The following KIAA0825 variants were observed in gnomAD, a reference collection of about 807,000 sequenced individuals.
KIAA0825 encodes the protein uncharacterized protein KIAA0825.
In KIAA0825, 119 loss-of-function variants were observed where a neutral mutation model predicts 147.6. That is an observed-to-expected ratio of 0.81 (90% CI 0.69 to 0.94). KIAA0825 has a LOEUF of 0.94. Among genes scored for constraint, KIAA0825 ranks in the 40% least tolerant of loss-of-function variants. KIAA0825 has a pLI of 0.00. For synonymous variants in KIAA0825, 470 were observed against 518.1 expected (o/e 0.91, Z 1.26); for missense variants, 1,381 against 1,472.7 (o/e 0.94, Z 1.02).
chr5:94,373,548 A>G (rs1747057877), intron 20 of KIAA0825, among the ~76,000 whole-genome samples: 1 of 152,194 alleles, frequency 6.6e-6, no homozygotes, highest in Non-Finnish European at 1.5e-5. Context: ...ACATGGCGGC[A>G]GGTGAGAGAA....
intron 2 of KIAA0825, among the ~76,000 whole-genome samples, chr5:94,557,776 T>C (rs1776819149): frequency 6.6e-6 from 1 of 152,250 alleles, no homozygotes; most frequent in African/African-American, 2.4e-5. Context: ...CAGCAATGGC[T>C]ACCCTCTTTG....
Position 94,529,326 on chromosome 5 carries a change from A to G in KIAA0825, c.132-5228T>C, listed in dbSNP as rs181536447. Among the ~76,000 whole-genome samples the G allele has an allele frequency of 7.6e-3, 1,100 of 144,772 alleles. 19 individuals carry two copies. The highest frequency in any genetic ancestry group is 0.027 in the African/African-American group (1,032 of 38,840). 95.0% of individuals were successfully genotyped at this position (144,772 alleles called of 152,430 possible). On this transcript the variant is annotated intron_variant, in intron 3 of 20. Coordinates refer to ENST00000682413, the MANE Select transcript of KIAA0825 (RefSeq NM_001145678.3). ...ATATGTATATATCATATATATGTAT[A>G]TATCATATATATGTATATATCATAT...
At chr5:94,424,388 T>C (rs554503732) in intron 14 of KIAA0825, among the ~76,000 whole-genome samples, 4 of 151,948 alleles carry the variant, frequency 2.6e-5, no homozygotes, top group Non-Finnish European at 5.9e-5. Context: ...TGTACAAATA[T>C]ACATAGAAAT....
At chr5:94,507,454 C>T (rs1265176773) in intron 5 of KIAA0825, among the ~76,000 whole-genome samples, 3 of 150,796 alleles carry the variant, frequency 2.0e-5, no homozygotes, top group South Asian at 2.1e-4. Context: ...ACCGTCCCCC[C>T]GCCCCCCCCA....
chr5:94,569,488 C>G, intron 2 of KIAA0825: 1 of 410,846 alleles, frequency 2.4e-6, no homozygotes, highest in Non-Finnish European at 4.5e-6. Context: ...GGACTACAAC[C>G]ACGACCAATG....
intron 20 of KIAA0825, among the ~76,000 whole-genome samples, chr5:94,324,852 T>A (rs1780529142): frequency 6.6e-6 from 1 of 151,528 alleles, no homozygotes; most frequent in African/African-American, 2.4e-5. Context: ...TTAAAAAGGG[T>A]ACCTATTAGG....
intron 12 of KIAA0825, among the ~76,000 whole-genome samples, chr5:94,458,911 C>T (rs1028804174): frequency 3.9e-5 from 6 of 152,092 alleles, no homozygotes; most frequent in African/African-American, 1.4e-4. Context: ...GCATAACCTC[C>T]TAAGTATCTA....
chr5:94,520,828 T>C lies in KIAA0825; in HGVS notation c.390A>G (p.Pro130=). Residue 130 remains proline, a synonymous_variant, in exon 5 of 21, where the codon CCA becomes CCG. Coordinates refer to ENST00000682413, the MANE Select transcript of KIAA0825 (RefSeq NM_001145678.3). The stretch of plus-strand genomic sequence containing the variant: ...GGAAAGATGTTCCACTTAGGGTTGA[T>C]GGGAATGAAACGCTGCTGTGGCAGG... The part of the protein sequence containing the change: ...DLSCHSSVSF[P]STLSGTSFHF... 2 of 1,613,212 alleles carry C rather than the reference T, an allele frequency of 1.2e-6. No individual in the cohort carries two copies. The highest frequency in any genetic ancestry group is 8.5e-7 in the Non-Finnish European group (1 of 1,179,402).
At chr5:94,440,576 A>G (rs907051570) in intron 13 of KIAA0825, among the ~76,000 whole-genome samples, 1 of 152,168 alleles carries the variant, frequency 6.6e-6, no homozygotes, top group African/African-American at 2.4e-5. Flanking sequence ...ATGAAAAAAA[A>G]TCAAAGCTTC....
intron 20 of KIAA0825, among the ~76,000 whole-genome samples, chr5:94,289,072 C>CAGT (rs1384835735): frequency 1.3e-5 from 2 of 152,148 alleles, no homozygotes; most frequent in Admixed American, 6.6e-5. Flanking sequence ...CTGTCTTTTG[C>CAGT]AGTACCCTTT....
intron 20 of KIAA0825, among the ~76,000 whole-genome samples, chr5:94,376,090 A>G (rs1747521112): frequency 1.3e-5 from 2 of 152,168 alleles, no homozygotes; most frequent in African/African-American, 4.8e-5. Context: ...TATGATACCT[A>G]CTTTGTAAGG....
intron 20 of KIAA0825, among the ~76,000 whole-genome samples, chr5:94,370,750 T>C (rs1160111608): frequency 6.6e-6 from 1 of 151,328 alleles, no homozygotes; most frequent in Non-Finnish European, 1.5e-5. Flanking sequence ...ACTAAAAAAA[T>C]ACAAAAAAAG....
chr5:94,356,581 A>T (rs1784287391), intron 20 of KIAA0825, among the ~76,000 whole-genome samples: 1 of 151,696 alleles, frequency 6.6e-6, no homozygotes, highest in East Asian at 2.0e-4. Flanking sequence ...ACCGGACTCC[A>T]GCCTGGGCAA....
intron 20 of KIAA0825, among the ~76,000 whole-genome samples, chr5:94,246,615 A>G (rs1341197287): frequency 1.3e-5 from 2 of 152,312 alleles, no homozygotes; most frequent in Admixed American, 6.5e-5. Context: ...AGAATATTCT[A>G]GTAGAACTTT....
intron 20 of KIAA0825, among the ~76,000 whole-genome samples, chr5:94,157,147 G>A (rs1213313313): frequency 2.0e-5 from 3 of 152,180 alleles, no homozygotes; most frequent in African/African-American, 7.2e-5. Context: ...GTTGGAAGCA[G>A]CATATTCTGG....
chr5:94,259,317 A>G (rs1776383221), intron 20 of KIAA0825, among the ~76,000 whole-genome samples: 2 of 152,070 alleles, frequency 1.3e-5, no homozygotes, highest in Admixed American at 6.6e-5. Context: ...GTTATGCACC[A>G]AATTCAAGAT....
At chr5:94,457,775 C>T (rs578202610) in intron 12 of KIAA0825, among the ~76,000 whole-genome samples, 1 of 152,352 alleles carries the variant, frequency 6.6e-6, no homozygotes, top group East Asian at 1.9e-4. Context: ...TTATGCTTCT[C>T]TTGTGTCGTG....
intron 12 of KIAA0825, among the ~76,000 whole-genome samples, chr5:94,462,181 C>T (rs1023277326): frequency 2.0e-5 from 3 of 151,824 alleles, no homozygotes; most frequent in Non-Finnish European, 3.0e-5. Flanking sequence ...AAACATAACA[C>T]ATTTTCGGGC....
rs1172838355 is a variant in KIAA0825 at position 94,356,725 on chromosome 5, C to CTTTTTTTTTTTTTTTTTTTTTTTT, written c.3710+27642_3710+27643insAAAAAAAAAAAAAAAAAAAAAAAA. ...TCAAACTTAAGGTTTAACTTGATTT[C>CTTTTTTTTTTTTTTTTTTTTTTTT]TTTTTTTTTTTTTTTTTGAGACGGA... On this transcript the variant is annotated intron_variant, in intron 20 of 20. Transcript: ENST00000682413. 1.2e-4 allele frequency among the ~76,000 whole-genome samples: 14 copies of CTTTTTTTTTTTTTTTTTTTTTTTT among 116,738 alleles called. 3 individuals carry two copies. Among genetic ancestry groups the CTTTTTTTTTTTTTTTTTTTTTTTT allele is most frequent in the African/African-American group, 4.4e-4 (13 of 29,466 alleles). 76.6% of individuals were successfully genotyped at this position (116,738 alleles called of 152,430 possible).
Sources: allele counts gnomAD v4.1 joint callset (sites outside exome capture counted in the v4.1 genomes callset), GRCh38; gene constraint gnomAD v4.1.1; transcripts MANE v1.5; gene names NCBI Gene and HGNC (gene_info 2026-07-23, HGNC 2026-07-21).